The following CHERP variants were observed in gnomAD, a reference collection of about 807,000 sequenced individuals.
The protein encoded by CHERP is calcium homeostasis endoplasmic reticulum protein, also known as ERPROT 213-21.
CHERP carries 8 observed loss-of-function variants against 113.8 expected under a neutral mutation model. That is an observed-to-expected ratio of 0.07 (90% CI 0.04 to 0.13). The LOEUF is 0.13. Ranked by LOEUF, CHERP falls within the 10% of genes least tolerant of loss-of-function variation. The pLI, the probability that CHERP is intolerant of heterozygous loss-of-function variation, is 1.00. For missense variants in CHERP, 884 were observed against 1,298.2 expected (o/e 0.68, Z 4.90); for synonymous variants, 559 against 524.5 (o/e 1.07, Z -0.90).
chr19:16,527,955 C>G (rs1351981095), intron 9 of CHERP, 125 bp downstream of exon 9: 5 of 982,198 alleles, frequency 5.1e-6, no homozygotes, highest in African/African-American at 3.3e-5. Flanking sequence ...AGCATAAGCT[C>G]TGCCACAGAA....
At position 16,529,820 on chromosome 19, in the gene CHERP, C is replaced by T. The variant is rs758527692; in HGVS notation, c.957G>A (p.Thr319=). 9 of 1,613,598 alleles carry T rather than the reference C, an allele frequency of 5.6e-6. No homozygotes were observed. Among genetic ancestry groups the T allele is most frequent in the African/African-American group, 1.3e-5 (1 of 74,906 alleles). ...AFQQQIQTLK[T]QHEEFVTSLA... is the part of the protein sequence containing the mutation. Reference sequence around the variant, plus strand: ...GGCTGGTGACAAACTCCTCGTGCTGCGTCTTGAGGGTCTGGATCTGCTGCT... The same window carrying T: ...GGCTGGTGACAAACTCCTCGTGCTGTGTCTTGAGGGTCTGGATCTGCTGCT... The change falls in exon 8 of 17, where the codon ACG becomes ACA. Residue 319 remains threonine (T), a synonymous_variant. Transcript: ENST00000546361.
At position 16,542,406 on chromosome 19, in the gene CHERP, G is replaced by A. The variant is rs368087931; in HGVS notation, c.-28C>T. ...CTCCGGCCGCGGGGAACGTCCTCCG[G>A]CGCCACACGATCGACCACCAGCGCC... is the stretch of plus-strand genomic sequence containing the variant. On this transcript the variant is annotated 5_prime_UTR_variant, in exon 1 of 17. Coordinates refer to ENST00000546361, the MANE Select transcript of CHERP (RefSeq NM_006387.6). 8.9e-6 allele frequency: 12 copies of A among 1,351,056 alleles called. No homozygotes were observed. The highest frequency in any genetic ancestry group is 4.5e-5 in the African/African-American group (3 of 66,452). 83.7% of individuals were successfully genotyped at this position (1,351,056 alleles called of 1,614,324 possible).
intron 9 of CHERP, 105 bp downstream of exon 9, chr19:16,527,975 T>C: frequency 1.8e-6 from 2 of 1,131,862 alleles, no homozygotes; most frequent in Non-Finnish European, 2.6e-6. Flanking sequence ...ATATCCCTCA[T>C]TGTTCCCCAG....
Position 16,523,156 on chromosome 19 carries a change from T to G in CHERP, c.1876A>C (p.Met626Leu). The G allele has an allele frequency of 1.9e-6, 3 of 1,559,808 alleles. No individual in the cohort carries two copies. Among genetic ancestry groups the G allele is most frequent in the Non-Finnish European group, 2.6e-6 (3 of 1,155,862 alleles). Residue 626 changes from methionine to leucine, a missense_variant, in exon 11 of 17, where the codon ATG (methionine) becomes CTG (leucine). This residue lies in a region of CHERP where 464 missense variants were observed against 590.1 expected (regional missense o/e 0.79). Coordinates refer to ENST00000546361, the MANE Select transcript of CHERP (RefSeq NM_006387.6). This position sits in a 1 kb window ranked among gnomAD's most constrained non-coding sequence, Gnocchi z 4.0. ...ATGTGGGGTGGGCCCTGTCGCCGCA[T>G]GTGTGGGGGCTGCCCGTTGAAGCCA... ...PHGFNGQPPH[M>L]RRQGPPHINH...
rs199951473 is a variant in CHERP, at chr19:16,520,199, C to A, written c.2412G>T (p.Ser804=). Residue 804 remains serine, a synonymous_variant, in exon 15 of 17, where the codon TCG becomes TCT. Transcript: ENST00000546361. The surrounding 1 kb of genome is among the most constrained non-coding windows in gnomAD (Gnocchi z 4.0). The stretch of plus-strand genomic sequence containing the variant: ...ACCGGCGTCTTCTTCCTGGGGAGTA[C>A]GACTTGGACCGGGACCGCGACTGGG... The part of the protein sequence containing the change: ...SRSQSRSRSK[S]YSPGRRRRSR... 7 of 1,613,274 alleles carry A rather than the reference C, an allele frequency of 4.3e-6. No homozygotes were observed. The Admixed American group carries it at 1.0e-4, about 23-fold the overall frequency.
chr19:16,518,943 T>G lies in CHERP; in HGVS notation c.*216A>C, dbSNP rs2085577196. ...CTGGGGCCCTGGTGGCTGCAGCGCC[T>G]CCTGGTGTGGTTTGTGGGTGGCACC... On this transcript the variant is annotated 3_prime_UTR_variant, in exon 17 of 17. Transcript: ENST00000546361. 1.7e-6 allele frequency: 1 copy of G among 579,520 alleles called. No individual in the cohort carries two copies. The highest frequency in any genetic ancestry group is 1.9e-5 in the African/African-American group (1 of 53,042). The allele number at this position is 579,520 out of a possible 1,614,324, so 35.9% of individuals were successfully genotyped here. A position where few individuals can be genotyped will look rare whatever the true frequency, so the allele number is the denominator to read the frequency against.
rs753121879 is a variant in CHERP at position 16,519,381 on chromosome 19, A to G, written c.2558-29T>C. On this transcript the variant is annotated intron_variant, in intron 16 of 16. Transcript: ENST00000546361. The surrounding 1 kb of genome is among the most constrained non-coding windows in gnomAD (Gnocchi z 6.0). ...GAAACAGAGACGCAGTCACAACCAC[A>G]ACAAGGCGGAGGCAGATGGGGGTGC... 8 of 1,600,224 alleles carry G rather than the reference A, an allele frequency of 5.0e-6. No individual in the cohort carries two copies. In the South Asian group the frequency reaches 6.7e-5, roughly 13 times the overall value.
chr19:16,527,643 G>GC (rs1366588705), intron 9 of CHERP, among the ~76,000 whole-genome samples: 1 of 152,218 alleles, frequency 6.6e-6, no homozygotes, highest in East Asian at 1.9e-4. Context: ...TAGCAAAGCT[G>GC]CATCTGAGGC....
At chr19:16,533,968 A>G (rs1398356054) in intron 3 of CHERP, among the ~76,000 whole-genome samples, 1 of 152,200 alleles carries the variant, frequency 6.6e-6, no homozygotes, top group African/African-American at 2.4e-5. Flanking sequence ...CATGCGGACC[A>G]GCGGTCAGTT....
intron 2 of CHERP, among the ~76,000 whole-genome samples, chr19:16,536,520 G>A (rs550239852): frequency 4.6e-5 from 7 of 152,232 alleles, no homozygotes; most frequent in South Asian, 2.1e-4. Flanking sequence ...GGAAGGTGTC[G>A]CCCCTCACTG....
chr19:16,526,539 C>T (rs1433031463), intron 9 of CHERP, among the ~76,000 whole-genome samples: 1 of 152,190 alleles, frequency 6.6e-6, no homozygotes, highest in South Asian at 2.1e-4. Flanking sequence ...GCGATCTTGG[C>T]TCACTGCAAC....
chr19:16,531,348 A>C (rs967048802), intron 5 of CHERP, among the ~76,000 whole-genome samples: 4 of 152,182 alleles, frequency 2.6e-5, no homozygotes, highest in African/African-American at 9.6e-5. Context: ...CCAGTCCCTC[A>C]GGAACCTAGA....
chr19:16,537,717 C>T (rs767907350), intron 2 of CHERP, among the ~76,000 whole-genome samples: 33 of 152,022 alleles, frequency 2.2e-4, no homozygotes, highest in Non-Finnish European at 3.2e-4. Flanking sequence ...CTGTCACCTG[C>T]GTCACCCCAG....
chr19:16,535,379 C>G lies in CHERP; in HGVS notation c.384+73G>C. 6.6e-7 allele frequency: 1 copy of G among 1,506,366 alleles called. No homozygotes were observed. Among genetic ancestry groups the G allele is most frequent in the Non-Finnish European group, 9.0e-7 (1 of 1,113,390 alleles). The allele number at this position is 1,506,366 out of a possible 1,614,324, so 93.3% of individuals were successfully genotyped here. On this transcript the variant is annotated intron_variant, in intron 3 of 16. Transcript: ENST00000546361. This position sits in a 1 kb window ranked among gnomAD's most constrained non-coding sequence, Gnocchi z 4.3. ...TCCTCACTGACACCTGTTATTCATTCTGATGAGCAGACGCAAAAACAGAGG... is the reference window on the plus strand; with the variant it reads ...TCCTCACTGACACCTGTTATTCATTGTGATGAGCAGACGCAAAAACAGAGG...
chr19:16,524,330 G>A (rs1469791276), intron 10 of CHERP, among the ~76,000 whole-genome samples: 44 of 150,828 alleles, frequency 2.9e-4, no homozygotes, highest in Non-Finnish European at 7.4e-5. Flanking sequence ...CGAGGCGGGC[G>A]GATCACCTGA....
intron 11 of CHERP, among the ~76,000 whole-genome samples, chr19:16,522,712 T>C (rs534747077): frequency 2.6e-5 from 4 of 152,092 alleles, no homozygotes; most frequent in African/African-American, 9.6e-5. Flanking sequence ...TCTAAGACAT[T>C]CCCTCCATCA....
At position 16,525,217 on chromosome 19, in the gene CHERP, C is replaced by G. The variant is rs923439009; in HGVS notation, c.1741+25G>C. 7.1e-7 allele frequency: 1 copy of G among 1,408,080 alleles called. No individual in the cohort carries two copies. The highest frequency in any genetic ancestry group is 1.5e-5 in the African/African-American group (1 of 66,012). The allele number at this position is 1,408,080 out of a possible 1,614,324, so 87.2% of individuals were successfully genotyped here. On this transcript the variant is annotated intron_variant, in intron 10 of 16. Coordinates refer to ENST00000546361, the MANE Select transcript of CHERP (RefSeq NM_006387.6). The surrounding 1 kb of genome is among the most constrained non-coding windows in gnomAD (Gnocchi z 6.5). Reference sequence around the variant, plus strand: ...CGAGCCGTGGATGCCTCCGCCAGGCCCTACCCAGGCGCCCGTACACTCACC... The same window carrying G: ...CGAGCCGTGGATGCCTCCGCCAGGCGCTACCCAGGCGCCCGTACACTCACC...
chr19:16,519,977 C>G lies in CHERP; in HGVS notation c.2462+172G>C, dbSNP rs1163191151. ...GTTAGAAAGCAGACCCCAGTTACTG[C>G]CTCAGGCTTCGCCAAGTGGCTACTG... On this transcript the variant is annotated intron_variant, in intron 15 of 16. Transcript: ENST00000546361. The surrounding 1 kb of genome is among the most constrained non-coding windows in gnomAD (Gnocchi z 6.0). 4.1e-6 allele frequency: 3 copies of G among 737,440 alleles called. No individual in the cohort carries two copies. In the African/African-American group the frequency reaches 5.3e-5, roughly 13 times the overall value. 45.7% of individuals were successfully genotyped at this position (737,440 alleles called of 1,614,324 possible). A position where few individuals can be genotyped will look rare whatever the true frequency, so the allele number is the denominator to read the frequency against.
Position 16,533,035 on chromosome 19 carries a change from G to A in CHERP, c.498C>T (p.Asp166=). Residue 166 remains aspartate, a synonymous_variant, in exon 4 of 17, where the codon GAC becomes GAT. Transcript: ENST00000546361. ...CCGAGATGGCGTCCTTGGTGCACGT[G>A]TCGATGATGGGCTGCAGGAGGTTGT... ...EFDNLLQPII[D]TCTKDAISAG... is the part of the protein sequence containing the mutation. 1 of 1,569,098 alleles carries A rather than the reference G, an allele frequency of 6.4e-7. No individual in the cohort carries two copies. The highest frequency in any genetic ancestry group is 8.6e-7 in the Non-Finnish European group (1 of 1,156,290).
Sources: gnomAD v4.1 joint callset for allele counts (sites outside exome capture counted in the v4.1 genomes callset) on GRCh38, gnomAD v4.1.1 for gene constraint, gnomAD v4.1.1 regional missense constraint, Gnocchi (gnomAD v3.1) non-coding constraint, MANE v1.5 for transcripts, NCBI Gene and HGNC (gene_info 2026-07-23, HGNC 2026-07-21) for gene names.